The following SLCO2A1 variants were observed in gnomAD, a reference collection of about 807,000 sequenced individuals.
The protein encoded by SLCO2A1 is solute carrier organic anion transporter family member 2A1, also known as matrin F/G 1.
In SLCO2A1, 60 loss-of-function variants were observed where a neutral mutation model predicts 71.7. The observed-to-expected ratio is 0.84, with a 90% CI of 0.68 to 1.04. The LOEUF (loss-of-function observed/expected upper bound fraction) is 1.04. SLCO2A1 is among the 50% of genes least tolerant of loss of function. The pLI is 0.00. For synonymous variants in SLCO2A1, 308 were observed against 326.7 expected (o/e 0.94, Z 0.62); for missense variants, 745 against 813.4 (o/e 0.92, Z 1.02).
At position 133,973,771 on chromosome 3, in the gene SLCO2A1, G is replaced by A. The variant is rs761212094; in HGVS notation, c.289C>T (p.Arg97Cys). 1.6e-5 allele frequency: 26 copies of A among 1,613,898 alleles called. No homozygotes were observed. The highest frequency in any genetic ancestry group is 2.2e-5 in the East Asian group (1 of 44,888). Residue 97 changes from arginine (R) to cysteine (C), a missense_variant, in exon 3 of 14, where the codon CGT becomes TGT. Physicochemically the swap from Arg to Cys is radical, Grantham distance 180. Coordinates refer to ENST00000310926, the MANE Select transcript of SLCO2A1 (RefSeq NM_005630.3). Reference sequence around the variant, plus strand: ...CCTCCGATGCCAATCAGACGTGGACGGTGCACCCGGCTGCCAAAGTAGCTG... The same window carrying A: ...CCTCCGATGCCAATCAGACGTGGACAGTGCACCCGGCTGCCAAAGTAGCTG... ...FVSYFGSRVH[R>C]PRLIGIGGLF...
intron 11 of SLCO2A1, among the ~76,000 whole-genome samples, chr3:133,940,351 T>C (rs1219846950): frequency 6.6e-6 from 1 of 152,206 alleles, no homozygotes; most frequent in Non-Finnish European, 1.5e-5. Context: ...TATCTTTAAA[T>C]CGTTGTGGGA....
intron 1 of SLCO2A1, among the ~76,000 whole-genome samples, chr3:134,000,127 G>A (rs1935073838): frequency 6.6e-6 from 1 of 152,202 alleles, no homozygotes; most frequent in African/African-American, 2.4e-5. Context: ...GTGCATATCT[G>A]AGTCCAAGAG....
chr3:134,015,530 G>C (rs1369343651), intron 1 of SLCO2A1, among the ~76,000 whole-genome samples: 1 of 152,152 alleles, frequency 6.6e-6, no homozygotes, highest in East Asian at 1.9e-4. Flanking sequence ...TTGCATAGCA[G>C]AGTGACTATA....
chr3:133,984,739 T>G (rs1416425394), intron 1 of SLCO2A1, among the ~76,000 whole-genome samples: 1 of 152,218 alleles, frequency 6.6e-6, no homozygotes, highest in Non-Finnish European at 1.5e-5. Context: ...GGAAAAGGTT[T>G]GCTAGTTGGG....
In SLCO2A1 at chr3:133,941,324, C is replaced by T. The variant is rs60543379; in HGVS notation, c.1625+1281G>A. Among the ~76,000 whole-genome samples, 261 of 152,208 alleles carry T rather than the reference C, an allele frequency of 1.7e-3. 2 individuals carry two copies. The highest frequency in any genetic ancestry group is 5.8e-3 in the African/African-American group (239 of 41,518). Reference sequence around the variant, plus strand: ...TGATAATTAACCAATATGTAGAACACCTTATATTTACAAAGCAATTTACCA... The same window carrying T: ...TGATAATTAACCAATATGTAGAACATCTTATATTTACAAAGCAATTTACCA... On this transcript the variant is annotated intron_variant, in intron 11 of 13. Transcript: ENST00000310926.
chr3:134,008,461 G>C (rs1484845887), intron 1 of SLCO2A1, among the ~76,000 whole-genome samples: 1 of 152,166 alleles, frequency 6.6e-6, no homozygotes, highest in East Asian at 1.9e-4. Context: ...TACACTAGTA[G>C]AGTTTTACCT....
At chr3:133,956,399 T>A (rs1289179099) in intron 3 of SLCO2A1, among the ~76,000 whole-genome samples, 1 of 152,206 alleles carries the variant, frequency 6.6e-6, no homozygotes, top group Non-Finnish European at 1.5e-5. Context: ...GGCCCCACTG[T>A]TGTCTGCCCT....
intron 3 of SLCO2A1, among the ~76,000 whole-genome samples, chr3:133,972,748 T>C (rs964122651): frequency 1.3e-5 from 2 of 152,166 alleles, no homozygotes; most frequent in Non-Finnish European, 2.9e-5. Context: ...AACTATTGAT[T>C]TAAAATCCTG....
rs1323593672 is a variant in SLCO2A1, at chr3:133,947,861, C to T, written c.1106-416G>A. On this transcript the variant is annotated intron_variant, in intron 8 of 13. Coordinates refer to ENST00000310926, the MANE Select transcript of SLCO2A1 (RefSeq NM_005630.3). ...AGCCAAGGACCAGCCAGGGGGTGCA[C>T]GGGAGTCACCCTCCAATCTCATGCA... is the stretch of plus-strand genomic sequence containing the variant. 2.6e-5 allele frequency among the ~76,000 whole-genome samples: 4 copies of T among 152,154 alleles called. No individual in the cohort carries two copies. In the South Asian group the frequency reaches 6.2e-4, roughly 24 times the overall value.
chr3:133,964,643 A>T (rs1374700508), intron 3 of SLCO2A1, among the ~76,000 whole-genome samples: 1 of 152,200 alleles, frequency 6.6e-6, no homozygotes, highest in East Asian at 1.9e-4. Flanking sequence ...GGAAGGAGGA[A>T]CTGCTCTGCT....
At chr3:134,028,395 C>A (rs551233752) in intron 1 of SLCO2A1, among the ~76,000 whole-genome samples, 3 of 152,334 alleles carry the variant, frequency 2.0e-5, no homozygotes, top group Non-Finnish European at 4.4e-5. Context: ...CCATCCAGGT[C>A]TGGCCAAAAA....
At chr3:133,996,400 G>A (rs1934964777) in intron 1 of SLCO2A1, among the ~76,000 whole-genome samples, 1 of 152,212 alleles carries the variant, frequency 6.6e-6, no homozygotes, top group South Asian at 2.1e-4. Context: ...CCCACCCCAT[G>A]AGAGCAGAAG....
chr3:134,004,343 T>C (rs950980035), intron 1 of SLCO2A1, among the ~76,000 whole-genome samples: 21 of 152,316 alleles, frequency 1.4e-4, no homozygotes, highest in Middle Eastern at 3.4e-3. Flanking sequence ...TTTTGTTTTG[T>C]TTTTGTTTTA....
intron 1 of SLCO2A1, among the ~76,000 whole-genome samples, chr3:134,019,877 GGGA>G (rs1336247714): frequency 6.6e-6 from 1 of 152,070 alleles, no homozygotes; most frequent in African/African-American, 2.4e-5. Context: ...TTCCCACTAA[GGGA>G]GGAGACCACC....
At chr3:133,970,123 A>T (rs1405912122) in intron 3 of SLCO2A1, among the ~76,000 whole-genome samples, 1 of 152,204 alleles carries the variant, frequency 6.6e-6, no homozygotes, top group Non-Finnish European at 1.5e-5. Flanking sequence ...TGGGATCCAG[A>T]AAGTCTACTA....
chr3:133,953,076 G>T (rs534946075), intron 5 of SLCO2A1, among the ~76,000 whole-genome samples: 2 of 150,854 alleles, frequency 1.3e-5, no homozygotes, highest in Non-Finnish European at 2.9e-5. Flanking sequence ...TCACTCTGTC[G>T]CCCAGGCTGG....
intron 1 of SLCO2A1, among the ~76,000 whole-genome samples, chr3:134,027,692 C>A (rs1365242795): frequency 1.3e-5 from 2 of 152,210 alleles, no homozygotes; most frequent in Non-Finnish European, 2.9e-5. Context: ...TCCCCCACTG[C>A]AAAGTGGCAG....
chr3:133,977,774 C>A (rs11921523), intron 2 of SLCO2A1, among the ~76,000 whole-genome samples: 1,905 of 152,168 alleles, frequency 0.013, 34 homozygotes, highest in African/African-American at 0.041. Context: ...AGGGGAATTA[C>A]CAAAGTCAGA....
chr3:133,937,797 G>A (rs1281206579), intron 12 of SLCO2A1, among the ~76,000 whole-genome samples: 1 of 152,166 alleles, frequency 6.6e-6, no homozygotes, highest in African/African-American at 2.4e-5. Flanking sequence ...ATGTCAAGAA[G>A]GAACAGCCAG....
Sources: allele counts gnomAD v4.1 joint callset (sites outside exome capture counted in the v4.1 genomes callset), GRCh38; gene constraint gnomAD v4.1.1; transcripts MANE v1.5; gene names NCBI Gene and HGNC (gene_info 2026-07-23, HGNC 2026-07-21).